The following B3GALT1 variants were observed in gnomAD, a reference collection of about 807,000 sequenced individuals.
B3GALT1 encodes the protein beta-1,3-galactosyltransferase 1, also known as UDP-Gal:betaGlcNAc beta 1,3-galactosyltransferase, polypeptide 1.
B3GALT1 carries 10 observed loss-of-function variants against 23.2 expected under a neutral mutation model. That is an observed-to-expected ratio of 0.43 (90% confidence interval 0.27 to 0.73). B3GALT1 has a LOEUF of 0.73. B3GALT1 is among the 30% of genes least tolerant of loss of function. The pLI is 0.21. For missense variants in B3GALT1, 299 were observed against 405.4 expected, an observed-to-expected ratio of 0.74 and a Z score of 2.25; for synonymous variants, 156 against 141.5, an observed-to-expected ratio of 1.10 and a Z score of -0.73.
chr2:167,840,942 G>C (rs1406146374), intron 4 of B3GALT1, among the ~76,000 whole-genome samples: 1 of 147,292 alleles, frequency 6.8e-6, no homozygotes, highest in Non-Finnish European at 1.5e-5. Flanking sequence ...ACCAAACACC[G>C]CATATTCTCA....
chr2:167,537,041 T>G (rs1683441371), intron 2 of B3GALT1, among the ~76,000 whole-genome samples: 1 of 152,150 alleles, frequency 6.6e-6, no homozygotes, highest in Admixed American at 6.5e-5. Context: ...TATTAGTCTG[T>G]TCTCACACTG....
intron 3 of B3GALT1, among the ~76,000 whole-genome samples, chr2:167,729,589 CCTCT>C (rs1687374600): frequency 6.6e-6 from 1 of 152,146 alleles, no homozygotes; most frequent in Non-Finnish European, 1.5e-5. Flanking sequence ...TGTATTTCTT[CCTCT>C]CTCTATTATG....
chr2:167,855,617 T>C (rs1291006551), intron 4 of B3GALT1, among the ~76,000 whole-genome samples: 3 of 152,184 alleles, frequency 2.0e-5, no homozygotes, highest in African/African-American at 7.2e-5. Context: ...TAGTAATCCA[T>C]CCAGCTATGA....
intron 1 of B3GALT1, among the ~76,000 whole-genome samples, chr2:167,480,902 A>G (rs1335650060): frequency 6.6e-6 from 1 of 152,058 alleles, no homozygotes; most frequent in Admixed American, 6.6e-5. Flanking sequence ...CACTTTCCCT[A>G]TCTCTCCTCT....
chr2:167,712,768 C>T (rs982902185), intron 3 of B3GALT1, among the ~76,000 whole-genome samples: 2 of 152,070 alleles, frequency 1.3e-5, no homozygotes, highest in Admixed American at 1.3e-4. Flanking sequence ...ATTGAAATTA[C>T]CTGGGGCATC....
intron 2 of B3GALT1, among the ~76,000 whole-genome samples, chr2:167,558,810 C>T (rs1056225277): frequency 2.0e-5 from 3 of 152,254 alleles, no homozygotes; most frequent in African/African-American, 7.2e-5. Context: ...CCAGGAAGTT[C>T]GAACTGGGTG....
At chr2:167,667,728 T>C (rs1202667631) in intron 3 of B3GALT1, among the ~76,000 whole-genome samples, 1 of 152,206 alleles carries the variant, frequency 6.6e-6, no homozygotes, top group African/African-American at 2.4e-5. Flanking sequence ...TGCCCTTTCT[T>C]CCAGTTGATC....
At chr2:167,398,316 C>A (rs1698128354) in intron 1 of B3GALT1, among the ~76,000 whole-genome samples, 1 of 151,988 alleles carries the variant, frequency 6.6e-6, no homozygotes, top group Non-Finnish European at 1.5e-5. Flanking sequence ...TAATGAGAAA[C>A]AATATTTGAT....
intron 2 of B3GALT1, among the ~76,000 whole-genome samples, chr2:167,563,818 C>T (rs1377310861): frequency 3.1e-4 from 44 of 140,906 alleles, no homozygotes; most frequent in African/African-American, 1.0e-3. Context: ...AGCGGCTGGC[C>T]GGGCAGAGAG....
At chr2:167,467,654 C>G (rs565954144) in intron 1 of B3GALT1, among the ~76,000 whole-genome samples, 5 of 152,064 alleles carry the variant, frequency 3.3e-5, no homozygotes, top group African/African-American at 7.2e-5. Context: ...AATCAAAATG[C>G]CATTTTGTGT....
intron 2 of B3GALT1, among the ~76,000 whole-genome samples, chr2:167,562,871 C>G (rs1230586881): frequency 6.6e-6 from 1 of 151,962 alleles, no homozygotes; most frequent in East Asian, 1.9e-4. Context: ...ATGCTGCCTT[C>G]AAGCATCTGT....
At chr2:167,369,664 G>C (rs1697648506) in intron 1 of B3GALT1, among the ~76,000 whole-genome samples, 1 of 152,120 alleles carries the variant, frequency 6.6e-6, no homozygotes, top group Non-Finnish European at 1.5e-5. Context: ...CATTAAGTGG[G>C]GGAAATGAGG....
At chr2:167,562,361 G>A (rs549128270) in intron 2 of B3GALT1, among the ~76,000 whole-genome samples, 3 of 152,114 alleles carry the variant, frequency 2.0e-5, no homozygotes, top group African/African-American at 7.2e-5. Context: ...TACTGAATTG[G>A]CAAAAACTGG....
At chr2:167,552,931 C>T (rs950423875) in intron 2 of B3GALT1, among the ~76,000 whole-genome samples, 1 of 152,092 alleles carries the variant, frequency 6.6e-6, no homozygotes, top group Admixed American at 6.6e-5. Context: ...CATTGGTCAC[C>T]TTTATCATCT....
Position 167,738,289 on chromosome 2 carries a change from T to C in B3GALT1, c.-351-80383T>C, listed in dbSNP as rs576409296. Among the ~76,000 whole-genome samples, 5 of 152,322 alleles carry C rather than the reference T, an allele frequency of 3.3e-5. No homozygotes were observed. The South Asian group carries it at 1.0e-3, about 32-fold the overall frequency. ...CAAGTTAGGGAGGCAACAGTCCTCA[T>C]TGTTAGGGAATCTTTCTTGGTTAAA... On this transcript the variant is annotated intron_variant, in intron 3 of 4. Coordinates refer to ENST00000392690, the MANE Select transcript of B3GALT1 (RefSeq NM_020981.4).
At chr2:167,558,892 C>A (rs1235507150) in intron 2 of B3GALT1, among the ~76,000 whole-genome samples, 2 of 152,194 alleles carry the variant, frequency 1.3e-5, no homozygotes, top group Admixed American at 1.3e-4. Flanking sequence ...CACAGACAAA[C>A]AAAAAGACAG....
chr2:167,548,739 A>G (rs1683694732), intron 2 of B3GALT1, among the ~76,000 whole-genome samples: 1 of 146,520 alleles, frequency 6.8e-6, no homozygotes. Context: ...TATGTATGAA[A>G]TAAAATTTTA....
In B3GALT1 at chr2:167,727,452, G is replaced by A. The variant is rs182821033; in HGVS notation, c.-352+80486G>A. ...AAAGAAAATAGACCTTTGGGGTGTC[G>A]GGCACTGTTTAGCCTACCACAGTCC... is the stretch of plus-strand genomic sequence containing the variant. On this transcript the variant is annotated intron_variant, in intron 3 of 4. Coordinates refer to ENST00000392690, the MANE Select transcript of B3GALT1 (RefSeq NM_020981.4). 3.0e-3 allele frequency among the ~76,000 whole-genome samples: 457 copies of A among 152,082 alleles called. 3 individuals carry two copies. Among genetic ancestry groups the A allele is most frequent in the Middle Eastern group, 0.017 (5 of 294 alleles).
At chr2:167,385,328 C>T (rs77013394) in intron 1 of B3GALT1, among the ~76,000 whole-genome samples, 1 of 152,176 alleles carries the variant, frequency 6.6e-6, no homozygotes, top group Non-Finnish European at 1.5e-5. Flanking sequence ...TTCCCTGACA[C>T]AGAATTAATC....
Sources: gnomAD v4.1 joint callset for allele counts (sites outside exome capture counted in the v4.1 genomes callset) on GRCh38, gnomAD v4.1.1 for gene constraint, MANE v1.5 for transcripts, NCBI Gene and HGNC (gene_info 2026-07-23, HGNC 2026-07-21) for gene names.